The following CHRDL1 variants were observed in gnomAD, a reference collection of about 807,000 sequenced individuals.
CHRDL1 encodes chordin-like protein 1.
Under a neutral mutation model 40.9 loss-of-function variants are expected in CHRDL1, and 19 were observed. The observed-to-expected ratio is 0.46, with a 90% CI of 0.32 to 0.68. The LOEUF (loss-of-function observed/expected upper bound fraction) is 0.68, where lower values mean the gene tolerates loss of function less well. CHRDL1 is among the 30% of genes least tolerant of loss of function. The probability of loss-of-function intolerance (pLI) is 0.03; values close to 1 mark genes in which losing one functional copy is unlikely to be tolerated. For missense variants in CHRDL1, 329 were observed against 352.1 expected (o/e 0.93, Z 0.53); for synonymous variants, 136 against 123.4 (o/e 1.10, Z -0.68).
intron 2 of CHRDL1, among the ~76,000 whole-genome samples, chrX:110,785,019 G>C (rs1361670917): frequency 9.0e-6 from 1 of 111,454 alleles, no homozygotes; most frequent in Non-Finnish European, 1.9e-5. Flanking sequence ...TAGAACTTTG[G>C]GCAAAAATAA....
At chrX:110,743,365 A>G (rs1272118326) in intron 4 of CHRDL1, among the ~76,000 whole-genome samples, 1 of 112,005 alleles carries the variant, frequency 8.9e-6, no homozygotes, top group Non-Finnish European at 1.9e-5. Context: ...GCAGTTCCAC[A>G]CTTTCCACAT....
chrX:110,768,630 A>G (rs753574247), intron 2 of CHRDL1, among the ~76,000 whole-genome samples: 1 of 110,956 alleles, frequency 9.0e-6, no homozygotes, highest in Admixed American at 9.6e-5. Flanking sequence ...TCCATGCTGG[A>G]TGCTTCCTGC....
chrX:110,680,898 T>C (rs1390891588), intron 10 of CHRDL1, among the ~76,000 whole-genome samples: 1 of 112,097 alleles, frequency 8.9e-6, no homozygotes, highest in Admixed American at 9.5e-5. Context: ...CCAGTAAGAC[T>C]ATAACCTTCT....
chrX:110,692,012 G>A (rs138280787), intron 8 of CHRDL1, among the ~76,000 whole-genome samples: 5 of 110,601 alleles, frequency 4.5e-5, no homozygotes, highest in African/African-American at 1.3e-4. Context: ...GAAAATTTAG[G>A]CTGGATTCAA....
At chrX:110,690,709 G>C (rs2016879) in intron 8 of CHRDL1, among the ~76,000 whole-genome samples, 53,522 of 110,374 alleles carry the variant, frequency 0.48, 11,246 homozygotes, top group African/African-American at 0.79. Context: ...GAGAGGGAAA[G>C]GACCAAGCCC....
intron 1 of CHRDL1, among the ~76,000 whole-genome samples, chrX:110,793,064 G>A (rs193197987): frequency 8.9e-6 from 1 of 112,051 alleles, no homozygotes; most frequent in East Asian, 2.8e-4. Flanking sequence ...ATCTAGTCAC[G>A]GATCATTTCC....
intron 6 of CHRDL1, among the ~76,000 whole-genome samples, chrX:110,701,671 G>C (rs186555301): frequency 9.0e-6 from 1 of 111,114 alleles, no homozygotes; most frequent in Admixed American, 9.6e-5. Flanking sequence ...AAAACTAGCT[G>C]GGCATGGTGG....
At chrX:110,707,002 C>T (rs1448303517) in intron 6 of CHRDL1, among the ~76,000 whole-genome samples, 1 of 111,594 alleles carries the variant, frequency 9.0e-6, no homozygotes, top group Admixed American at 9.6e-5. Context: ...TGTGAAGTCT[C>T]TCCTTACCAT....
At chrX:110,756,329 T>C (rs1024391058) in intron 4 of CHRDL1, among the ~76,000 whole-genome samples, 1 of 111,921 alleles carries the variant, frequency 8.9e-6, no homozygotes, top group Non-Finnish European at 1.9e-5. Flanking sequence ...GGACTGAATA[T>C]GGATAGTTTG....
intron 2 of CHRDL1, among the ~76,000 whole-genome samples, chrX:110,764,692 T>C (rs184405097): frequency 3.6e-5 from 4 of 111,937 alleles, no homozygotes; most frequent in African/African-American, 1.3e-4. Context: ...ATTTTTCTTC[T>C]TGCAGAGAGC....
intron 1 of CHRDL1, among the ~76,000 whole-genome samples, chrX:110,793,063 C>T (rs911567366): frequency 1.8e-5 from 2 of 112,119 alleles, no homozygotes; most frequent in East Asian, 2.8e-4. Context: ...CATCTAGTCA[C>T]GGATCATTTC....
chrX:110,788,258 CTA>C (rs746596042), intron 2 of CHRDL1, among the ~76,000 whole-genome samples: 24 of 112,299 alleles, frequency 2.1e-4, no homozygotes, highest in African/African-American at 7.4e-4. Context: ...GAAATTGTAA[CTA>C]TGGCTAATTA....
chrX:110,709,633 A>C (rs1048630414), intron 6 of CHRDL1, among the ~76,000 whole-genome samples: 1 of 112,334 alleles, frequency 8.9e-6, no homozygotes, highest in Non-Finnish European at 1.9e-5. Flanking sequence ...CTCTTGGCTA[A>C]AAATGAGGCT....
rs12012172 is a variant in CHRDL1, at chrX:110,674,506, A to C, written c.*1725T>G. 43,563 of 89,661 alleles carry C rather than the reference A, an allele frequency of 0.49. 8,249 individuals carry two copies. Among genetic ancestry groups the C allele is most frequent in the African/African-American group, 0.71 (17,397 of 24,622 alleles). 7.4% of individuals were successfully genotyped at this position (89,661 alleles called of 1,213,427 possible). ...ACACACACACACACACACACACACA[A>C]ACTAATGCTTTGTGACCTCTCAACC... is the stretch of plus-strand genomic sequence containing the variant. On this transcript the variant is annotated 3_prime_UTR_variant, in exon 12 of 12. Transcript: ENST00000372042.
At chrX:110,763,147 G>C (rs191043460) in intron 2 of CHRDL1, among the ~76,000 whole-genome samples, 83 of 111,099 alleles carry the variant, frequency 7.5e-4, no homozygotes, top group African/African-American at 2.6e-3. Flanking sequence ...TTTTCCATAA[G>C]TTATTGGGGT....
chrX:110,675,648 G>A lies in CHRDL1; in HGVS notation c.*583C>T, dbSNP rs1028211141. The A allele has an allele frequency of 9.6e-6, 1 of 104,077 alleles. No individual in the cohort carries two copies. Among genetic ancestry groups the A allele is most frequent in the African/African-American group, 3.6e-5 (1 of 27,882 alleles). The allele number at this position is 104,077 out of a possible 1,213,427, so 8.6% of individuals were successfully genotyped here. A position where few individuals can be genotyped will look rare whatever the true frequency, so the allele number is the denominator to read the frequency against. ...CTTGGCTAGCTTTGCTTCAAATAAA[G>A]CTTTCGTTTAATGTGAGTGTGGACG... On this transcript the variant is annotated 3_prime_UTR_variant, in exon 12 of 12. Coordinates refer to ENST00000372042, the MANE Select transcript of CHRDL1 (RefSeq NM_001143981.2).
chrX:110,742,934 G>A (rs1321158527), intron 4 of CHRDL1, among the ~76,000 whole-genome samples: 1 of 112,054 alleles, frequency 8.9e-6, no homozygotes, highest in African/African-American at 3.2e-5. Context: ...GAACAGAGAG[G>A]AGGTACAAAA....
At chrX:110,700,270 T>C (rs1358615569) in intron 7 of CHRDL1, among the ~76,000 whole-genome samples, 1 of 111,241 alleles carries the variant, frequency 9.0e-6, no homozygotes, top group Non-Finnish European at 1.9e-5. Context: ...ATGTCTGAAG[T>C]ACCTACCAAA....
At position 110,759,670 on chromosome X, in the gene CHRDL1, G is replaced by A. The variant is rs2148506489; in HGVS notation, c.292C>T (p.Arg98Cys). The A allele has an allele frequency of 8.4e-7, 1 of 1,191,838 alleles. No individual in the cohort carries two copies. The highest frequency in any genetic ancestry group is 1.1e-6 in the Non-Finnish European group (1 of 877,474). ...PVHIPHLCCP[R>C]CPEDSLPPVN... ...AGACAAATTGCTTTACCTGGGCAGC[G>A]AGGGCAGCACAGATGAGGAATATGC... The change falls in exon 4 of 12, where the codon CGC (arginine) becomes TGC (cysteine). Residue 98 changes from arginine (R) to cysteine (C), a missense_variant. Physicochemically the swap from Arg to Cys is radical, Grantham distance 180 (BLOSUM62 -3). Transcript: ENST00000372042.
Sources: gnomAD v4.1 joint callset for allele counts (sites outside exome capture counted in the v4.1 genomes callset) on GRCh38, gnomAD v4.1.1 for gene constraint, MANE v1.5 for transcripts, NCBI Gene and HGNC (gene_info 2026-07-23, HGNC 2026-07-21) for gene names.